TMEM80: variants seen among roughly 807,000 people sequenced by gnomAD.
The protein encoded by TMEM80 is transmembrane protein 80.
TMEM80 carries 16 observed loss-of-function variants against 13.6 expected under a neutral mutation model. The ratio of observed to expected loss-of-function variants is 1.17; its 90% CI spans 0.79 to 1.78. The LOEUF is 1.78. Among genes scored for constraint, TMEM80 ranks in the 40% most tolerant of loss-of-function variants. TMEM80 has a pLI of 0.00. For synonymous variants in TMEM80, 92 were observed against 89.5 expected, an observed-to-expected ratio of 1.03 and a Z score of -0.16; for missense variants, 167 against 184.6, an observed-to-expected ratio of 0.90 and a Z score of 0.55.
Position 703,017 on chromosome 11 carries a change from T to A in TMEM80, c.299T>A (p.Leu100His), listed in dbSNP as rs755563457. 40 of 1,612,378 alleles carry A rather than the reference T, an allele frequency of 2.5e-5. No individual in the cohort carries two copies. The highest frequency in any genetic ancestry group is 3.3e-5 in the Non-Finnish European group (39 of 1,179,834). The change falls in exon 5 of 5, where the codon CTC (leucine) becomes CAC (histidine). Residue 100 changes from leucine to histidine, a missense_variant. Leu to His is a moderately conservative substitution (Grantham distance 99, BLOSUM62 -3). Transcript: ENST00000397510. ...ASLALTAGTA[L>H]LSAHFLLWQA... ...CTGGCCCTCACGGCTGGCACCGCCCTCCTCTCTGCCCACTTCCTGCTTTGG... is the reference window on the plus strand; with the variant it reads ...CTGGCCCTCACGGCTGGCACCGCCCACCTCTCTGCCCACTTCCTGCTTTGG...
In TMEM80 at chr11:701,613, G is replaced by A. The variant is rs182347880; in HGVS notation, c.226+906G>A. Among the ~76,000 whole-genome samples the A allele has an allele frequency of 7.2e-5, 11 of 152,020 alleles. 1 individual carries two copies. Among genetic ancestry groups the A allele is most frequent in the African/African-American group, 2.4e-4 (10 of 41,468 alleles). ...TTTAGTAGAGATGGGGTTTCACCATGTTAGCCAGGATGGTTTCCATCTCCT... is the reference window on the plus strand; with the variant it reads ...TTTAGTAGAGATGGGGTTTCACCATATTAGCCAGGATGGTTTCCATCTCCT... On this transcript the variant is annotated intron_variant, in intron 4 of 4. Transcript: ENST00000397510.
At chr11:697,255 A>G (rs1021862301) in intron 1 of TMEM80, among the ~76,000 whole-genome samples, 5 of 151,900 alleles carry the variant, frequency 3.3e-5, no homozygotes, top group African/African-American at 1.2e-4. Flanking sequence ...CCCTGTCTCT[A>G]AAAAAACTAA....
intron 3 of TMEM80, 140 bp downstream of exon 3, chr11:700,375 A>G (rs1256692404): frequency 8.4e-6 from 7 of 831,634 alleles, no homozygotes; most frequent in African/African-American, 1.7e-5. Context: ...AAAAACACAA[A>G]AAGTAGCCGG....
At chr11:701,594 A>G (rs1239609888) in intron 4 of TMEM80, among the ~76,000 whole-genome samples, 1 of 151,750 alleles carries the variant, frequency 6.6e-6, no homozygotes, top group Non-Finnish European at 1.5e-5. Flanking sequence ...TATTTTTAGT[A>G]GAGATGGGGT....
chr11:701,955 G>A (rs1048111762), intron 4 of TMEM80, among the ~76,000 whole-genome samples: 5 of 152,184 alleles, frequency 3.3e-5, no homozygotes, highest in East Asian at 1.9e-4. Flanking sequence ...GCTCATGGTC[G>A]TAACATGTGC....
At chr11:704,233 C>A, downstream of TMEM80, 1 of 880,854 alleles carries the variant, frequency 1.1e-6, no homozygotes, top group Non-Finnish European at 1.5e-6. Context: ...TGGCCTCGCC[C>A]TCGGGCCCTG....
In TMEM80 at chr11:703,846, GGA is replaced by G. The variant is rs779367424; in HGVS notation, c.*704_*705del. 16 of 1,236,384 alleles carry G rather than the reference GGA, an allele frequency of 1.3e-5. No homozygotes were observed. Among genetic ancestry groups the G allele is most frequent in the Non-Finnish European group, 1.6e-5 (16 of 991,300 alleles). 76.6% of individuals were successfully genotyped at this position (1,236,384 alleles called of 1,614,324 possible). On this transcript the variant is annotated 3_prime_UTR_variant, in exon 5 of 5. Transcript: ENST00000397510. ...GGCTAAGGCCGGGGATGAGACTGCA[GGA>G]GAGAGAGCAGCGGAGGGCCACATTC...
At chr11:701,023 T>G in intron 4 of TMEM80, 2 of 423,900 alleles carry the variant, frequency 4.7e-6, no homozygotes, top group Non-Finnish European at 8.7e-6. Context: ...CTCCGGAATA[T>G]TCACCAGCAC....
At chr11:697,023 G>C (rs893958021) in intron 1 of TMEM80, among the ~76,000 whole-genome samples, 1 of 145,550 alleles carries the variant, frequency 6.9e-6, no homozygotes, top group Non-Finnish European at 1.5e-5. Context: ...GGTGGGGGGG[G>C]TGGGGTGCGG....
downstream of TMEM80, chr11:704,491 G>A (rs191116432): frequency 7.8e-7 from 1 of 1,289,434 alleles, no homozygotes. Context: ...TCACACACCA[G>A]CGCCTGAGCG....
downstream of TMEM80, chr11:704,397 C>G (rs1181077632): frequency 8.2e-7 from 1 of 1,216,814 alleles, no homozygotes; most frequent in African/African-American, 1.6e-5. Flanking sequence ...TGGGAGCACC[C>G]AGTTGTCCTG....
rs184217018 is a variant in TMEM80, at chr11:701,563, A to G, written c.226+856A>G. Among the ~76,000 whole-genome samples, 983 of 151,994 alleles carry G rather than the reference A, an allele frequency of 6.5e-3. 7 individuals are homozygous for G. Among genetic ancestry groups the G allele is most frequent in the African/African-American group, 0.022 (928 of 41,454 alleles). On this transcript the variant is annotated intron_variant, in intron 4 of 4. Transcript: ENST00000397510. Reference sequence around the variant, plus strand: ...GTAACTGGGACTACAGGTGCCCGCCACCACGCCCGGCTCATTTTTGTATTT... The same window carrying G: ...GTAACTGGGACTACAGGTGCCCGCCGCCACGCCCGGCTCATTTTTGTATTT...
At chr11:697,790 C>T (rs187906256) in intron 1 of TMEM80, 1 of 152,388 alleles carries the variant, frequency 6.6e-6, no homozygotes, top group Non-Finnish European at 1.5e-5. Flanking sequence ...CTGCCGTGCA[C>T]TTGGCTTCCT....
chr11:699,192 C>T (rs1008410597), intron 2 of TMEM80: 70 of 473,906 alleles, frequency 1.5e-4, no homozygotes, highest in Non-Finnish European at 1.1e-5. Context: ...AAATCCCTCA[C>T]TTTGTCCCTA....
downstream of TMEM80, chr11:704,613 C>T (rs1314559795): frequency 1.6e-6 from 2 of 1,289,270 alleles, no homozygotes. Context: ...GGACCCCCTC[C>T]CTGAAGCTGG....
At chr11:704,449 G>A (rs550345742), downstream of TMEM80, 268 of 1,289,220 alleles carry the variant, frequency 2.1e-4, 2 homozygotes, top group South Asian at 2.1e-3. Context: ...CAGTGGCCAC[G>A]GTGAGCTGCA....
At chr11:695,669 CGGA>C, upstream of TMEM80, 2 of 1,244,172 alleles carry the variant, frequency 1.6e-6, no homozygotes, top group Non-Finnish European at 2.0e-6. Context: ...CGGTGCCGGA[CGGA>C]CTAATCGGGC....
chr11:703,502 C>T lies in TMEM80; in HGVS notation c.*352C>T. 1 of 1,245,084 alleles carries T rather than the reference C, an allele frequency of 8.0e-7. No homozygotes were observed. The highest frequency in any genetic ancestry group is 1.5e-5 in the African/African-American group (1 of 64,806). The allele number at this position is 1,245,084 out of a possible 1,614,324, so 77.1% of individuals were successfully genotyped here. On this transcript the variant is annotated 3_prime_UTR_variant, in exon 5 of 5. Coordinates refer to ENST00000397510, the MANE Select transcript of TMEM80 (RefSeq NM_001042463.3). ...CCCAGGGCCGAGAGGGAGGACAGAGCCCTTCAGAACAGAGGCCTCATCTCA... is the reference window on the plus strand; with the variant it reads ...CCCAGGGCCGAGAGGGAGGACAGAGTCCTTCAGAACAGAGGCCTCATCTCA...
chr11:702,839 A>T, intron 4 of TMEM80, 106 bp from the exon 5 acceptor site: 1 of 1,113,260 alleles, frequency 9.0e-7, no homozygotes, highest in South Asian at 1.7e-5. Context: ...GGAGGAACGT[A>T]GGGCAAGGAG....
Sources: allele counts gnomAD v4.1 joint callset (sites outside exome capture counted in the v4.1 genomes callset), GRCh38; gene constraint gnomAD v4.1.1; transcripts MANE v1.5; gene names NCBI Gene and HGNC (gene_info 2026-07-23, HGNC 2026-07-21).